Variants in GRIN2B observed in about 807,000 individuals in gnomAD.
The protein encoded by GRIN2B is glutamate receptor ionotropic, NMDA 2B.
GRIN2B carries 5 observed loss-of-function variants against 114.5 expected under a neutral mutation model. The ratio of observed to expected loss-of-function variants is 0.04; its 90% CI spans 0.02 to 0.09. GRIN2B has a LOEUF of 0.09. Ranked by LOEUF, GRIN2B falls within the 10% of genes least tolerant of loss-of-function variation. The pLI, the probability that GRIN2B is intolerant of heterozygous loss-of-function variation, is 1.00. For synonymous variants in GRIN2B, 787 were observed against 745.1 expected (o/e 1.06, Z -0.92); for missense variants, 1,108 against 1,943.5 (o/e 0.57, Z 8.08).
Position 13,764,315 on chromosome 12 carries a change from ATTCC to A in GRIN2B, c.412-10404_412-10401del, listed in dbSNP as rs1211992332. Among the ~76,000 whole-genome samples, 22 of 152,104 alleles carry A rather than the reference ATTCC, an allele frequency of 1.4e-4. 1 individual carries two copies. Among genetic ancestry groups the A allele is most frequent in the Non-Finnish European group, 1.0e-4 (7 of 68,010 alleles). On this transcript the variant is annotated intron_variant, in intron 3 of 13. Coordinates refer to ENST00000609686, the MANE Select transcript of GRIN2B (RefSeq NM_000834.5). ...ACTTACCAGTACTAATCCTGTCAACATTCCTGGAGCCCATCTTGTCCCTCCTTGC... is the reference window on the plus strand; with the variant it reads ...ACTTACCAGTACTAATCCTGTCAACATGGAGCCCATCTTGTCCCTCCTTGC...
chr12:13,797,938 A>G (rs1384119319), intron 3 of GRIN2B, among the ~76,000 whole-genome samples: 1 of 152,194 alleles, frequency 6.6e-6, no homozygotes, highest in Non-Finnish European at 1.5e-5. Context: ...ACCATCACAC[A>G]TCTCCTACCT....
intron 5 of GRIN2B, among the ~76,000 whole-genome samples, chr12:13,651,475 G>A (rs183510963): frequency 9.9e-5 from 15 of 152,184 alleles, no homozygotes; most frequent in Admixed American, 5.2e-4. Context: ...TCAAAAAATA[G>A]CACCACTACC....
At chr12:13,916,734 C>CACAA (rs1555156746) in intron 2 of GRIN2B, among the ~76,000 whole-genome samples, 2 of 9,744 alleles carry the variant, frequency 2.1e-4, no homozygotes, top group Non-Finnish European at 3.2e-4. Flanking sequence ...CACACACACA[C>CACAA]ATTTGTGTGT....
At chr12:13,628,772 A>C (rs1216098389) in intron 5 of GRIN2B, among the ~76,000 whole-genome samples, 1 of 152,260 alleles carries the variant, frequency 6.6e-6, no homozygotes, top group African/African-American at 2.4e-5. Flanking sequence ...CATAAGTATA[A>C]TGACAATATT....
In GRIN2B at chr12:13,547,981, A is replaced by ATATATTTTTTTTT; in HGVS notation, c.*14801_*14802insAAAAAAAAATATA. The stretch of plus-strand genomic sequence containing the variant: ...TGTGTATATATATATATATATATAT[A>ATATATTTTTTTTT]TTTTTTTTTTTTTTCTGAAAGCTAC... On this transcript the variant is annotated 3_prime_UTR_variant, in exon 14 of 14. Coordinates refer to ENST00000609686, the MANE Select transcript of GRIN2B (RefSeq NM_000834.5). 6 of 68,594 alleles carry ATATATTTTTTTTT rather than the reference A, an allele frequency of 8.7e-5. No homozygotes were observed. The highest frequency in any genetic ancestry group is 2.8e-4 in the African/African-American group (6 of 21,782). 4.2% of individuals were successfully genotyped at this position (68,594 alleles called of 1,614,324 possible). A position where few individuals can be genotyped will look rare whatever the true frequency, so the allele number is the denominator to read the frequency against.
intron 5 of GRIN2B, among the ~76,000 whole-genome samples, chr12:13,632,788 G>A (rs1434091065): frequency 6.6e-6 from 1 of 152,164 alleles, no homozygotes; most frequent in Non-Finnish European, 1.5e-5. Context: ...AAGTGACCTA[G>A]AAAACGTCTG....
At chr12:13,886,600 T>C (rs956352810) in intron 2 of GRIN2B, among the ~76,000 whole-genome samples, 3 of 151,990 alleles carry the variant, frequency 2.0e-5, no homozygotes, top group East Asian at 1.9e-4. Context: ...AAGCAAAGAA[T>C]GAGAAGCAGA....
chr12:13,713,245 C>G (rs969388711), intron 4 of GRIN2B, among the ~76,000 whole-genome samples: 1 of 151,826 alleles, frequency 6.6e-6, no homozygotes, highest in African/African-American at 2.4e-5. Flanking sequence ...CCACTTGATG[C>G]TCTCCTTTTA....
At chr12:13,698,307 C>T (rs1950279819) in intron 4 of GRIN2B, among the ~76,000 whole-genome samples, 2 of 152,244 alleles carry the variant, frequency 1.3e-5, no homozygotes, top group Admixed American at 6.5e-5. Flanking sequence ...AACAATGAAA[C>T]CCTCCACAAG....
chr12:13,807,994 T>C (rs1327059160), intron 3 of GRIN2B, among the ~76,000 whole-genome samples: 1 of 152,152 alleles, frequency 6.6e-6, no homozygotes, highest in Admixed American at 6.5e-5. Flanking sequence ...AGGATGATTC[T>C]AGATGACATT....
intron 3 of GRIN2B, among the ~76,000 whole-genome samples, chr12:13,776,367 T>C (rs565291474): frequency 1.3e-5 from 2 of 152,254 alleles, no homozygotes; most frequent in African/African-American, 4.8e-5. Flanking sequence ...CAAACCACCA[T>C]GGCACACGTT....
chr12:13,586,299 C>T (rs982399782), intron 10 of GRIN2B, among the ~76,000 whole-genome samples: 1 of 152,158 alleles, frequency 6.6e-6, no homozygotes, highest in Admixed American at 6.5e-5. Flanking sequence ...TAGAAACTGT[C>T]ATTACTTTTA....
chr12:13,723,763 GA>G (rs1444084332), intron 4 of GRIN2B, among the ~76,000 whole-genome samples: 2 of 152,060 alleles, frequency 1.3e-5, no homozygotes, highest in Non-Finnish European at 2.9e-5. Flanking sequence ...TCTGGTATTT[GA>G]AAAATACATG....
chr12:13,684,858 T>C (rs1950163477), intron 4 of GRIN2B, among the ~76,000 whole-genome samples: 1 of 152,160 alleles, frequency 6.6e-6, no homozygotes, highest in Admixed American at 6.5e-5. Context: ...TATCTCTTTT[T>C]TGTGACTATT....
intron 3 of GRIN2B, among the ~76,000 whole-genome samples, chr12:13,776,073 A>G (rs941609027): frequency 6.6e-6 from 1 of 152,226 alleles, no homozygotes; most frequent in Admixed American, 6.5e-5. Context: ...TGGTATATAT[A>G]CAGCATGGGA....
At chr12:13,947,963 C>T (rs1467011097) in intron 2 of GRIN2B, among the ~76,000 whole-genome samples, 1 of 152,186 alleles carries the variant, frequency 6.6e-6, no homozygotes, top group African/African-American at 2.4e-5. Context: ...TGTTCTTTCA[C>T]TCTCCTCAGG....
At chr12:13,795,144 A>G (rs1046563608) in intron 3 of GRIN2B, among the ~76,000 whole-genome samples, 3 of 152,254 alleles carry the variant, frequency 2.0e-5, no homozygotes, top group African/African-American at 4.8e-5. Flanking sequence ...AAGTTTAACA[A>G]GAACAAATGA....
intron 3 of GRIN2B, among the ~76,000 whole-genome samples, chr12:13,830,697 T>G (rs1295536545): frequency 1.3e-5 from 2 of 152,210 alleles, no homozygotes; most frequent in Non-Finnish European, 2.9e-5. Flanking sequence ...CAAGATAGCA[T>G]CAGGCATACA....
chr12:13,763,478 A>G (rs1366773690), intron 3 of GRIN2B, among the ~76,000 whole-genome samples: 1 of 152,192 alleles, frequency 6.6e-6, no homozygotes, highest in Non-Finnish European at 1.5e-5. Flanking sequence ...ACTACATTGG[A>G]CGGTCCATGA....
Sources: allele counts gnomAD v4.1 joint callset (sites outside exome capture counted in the v4.1 genomes callset), GRCh38; gene constraint gnomAD v4.1.1; transcripts MANE v1.5; gene names NCBI Gene and HGNC (gene_info 2026-07-23, HGNC 2026-07-21).